Variants in UGT2A3 observed in about 807,000 individuals in gnomAD.
UGT2A3 encodes the protein UDP-glucuronosyltransferase 2A3.
Under a neutral mutation model 44.1 loss-of-function variants are expected in UGT2A3, and 55 were observed. The ratio of observed to expected loss-of-function variants is 1.25; its 90% CI spans 1.00 to 1.56. The LOEUF is 1.56. Among genes scored for constraint, UGT2A3 ranks in the 40% most tolerant of loss-of-function variants. The pLI is 0.00. For missense variants in UGT2A3, 733 were observed against 621.6 expected, an observed-to-expected ratio of 1.18 and a Z score of -1.91; for synonymous variants, 243 against 215.1, an observed-to-expected ratio of 1.13 and a Z score of -1.13.
intron 2 of UGT2A3, among the ~76,000 whole-genome samples, chr4:68,938,620 G>C (rs1026503360): frequency 6.6e-6 from 1 of 152,138 alleles, no homozygotes; most frequent in African/African-American, 2.4e-5. Context: ...AAAACTGGAA[G>C]CATTCCCTTT....
At chr4:68,944,822 A>C (rs1665311869) in intron 2 of UGT2A3, among the ~76,000 whole-genome samples, 1 of 151,804 alleles carries the variant, frequency 6.6e-6, no homozygotes, top group Non-Finnish European at 1.5e-5. Context: ...ATCATTAAAC[A>C]CTTAAACTTT....
At chr4:68,934,186 A>G (rs183962834) in intron 2 of UGT2A3, among the ~76,000 whole-genome samples, 6 of 152,086 alleles carry the variant, frequency 3.9e-5, no homozygotes, top group African/African-American at 1.4e-4. Flanking sequence ...AATCACATAA[A>G]CTATAAATAA....
rs1177079878 is a variant in UGT2A3 at position 68,951,419 on chromosome 4, A to G, written c.342T>C (p.Phe114=). The G allele has an allele frequency of 3.7e-6, 6 of 1,611,284 alleles. No individual in the cohort carries two copies. In the Admixed American group the frequency reaches 5.0e-5, roughly 14 times the overall value. ...TTTTTAAAGTTCCTCTTATTTCAAC[A>G]AAAAAATCATTTAATTTTATAACTG... is the stretch of plus-strand genomic sequence containing the variant. ...WQSVIKLNDF[F]VEIRGTLKMM... The change falls in exon 1 of 6, where the codon TTT becomes TTC. Residue 114 remains phenylalanine, a synonymous_variant. Transcript: ENST00000251566.
chr4:68,930,865 G>A, intron 4 of UGT2A3, 100 bp from the exon 5 acceptor site: 1 of 1,039,592 alleles, frequency 9.6e-7, no homozygotes, highest in South Asian at 1.7e-5. Flanking sequence ...ACTCACTGAA[G>A]CGTACAGCAC....
intron 2 of UGT2A3, among the ~76,000 whole-genome samples, chr4:68,936,758 C>T (rs919700311): frequency 2.0e-4 from 30 of 151,814 alleles, no homozygotes; most frequent in Non-Finnish European, 7.4e-5. Context: ...TTAAGAGACA[C>T]AGACTGGCAA....
At chr4:68,936,703 A>G (rs1008563342) in intron 2 of UGT2A3, among the ~76,000 whole-genome samples, 2 of 152,004 alleles carry the variant, frequency 1.3e-5, no homozygotes, top group Non-Finnish European at 1.5e-5. Context: ...TCAAATTCAC[A>G]CATAACAATA....
chr4:68,945,542 A>T, intron 1 of UGT2A3, 88 bp from the exon 2 acceptor site: 1 of 1,212,792 alleles, frequency 8.2e-7, no homozygotes, highest in Admixed American at 2.7e-5. Context: ...TTAAGAAAAA[A>T]ATAAGTTTAA....
At position 68,929,111 on chromosome 4, in the gene UGT2A3, G is replaced by T. The variant is rs1260123051; in HGVS notation, c.*702C>A. ...TTCACCTTGAATATCTTACTGACAT[G>T]TTCTCTATGTGAGAAAAAAAATAGT... On this transcript the variant is annotated 3_prime_UTR_variant, in exon 6 of 6. Transcript: ENST00000251566. 6.6e-6 allele frequency: 1 copy of T among 151,930 alleles called. No homozygotes were observed. The highest frequency in any genetic ancestry group is 6.6e-5 in the Admixed American group (1 of 15,228). 9.4% of individuals were successfully genotyped at this position (151,930 alleles called of 1,614,324 possible).
chr4:68,938,015 A>G (rs13106664), intron 2 of UGT2A3, among the ~76,000 whole-genome samples: 110,838 of 151,794 alleles, frequency 0.73, 42,080 homozygotes, highest in Non-Finnish European at 0.86. Context: ...ATCAAGAAAA[A>G]TTTGAATCTC....
chr4:68,947,159 T>C (rs976786404), intron 1 of UGT2A3, among the ~76,000 whole-genome samples: 2 of 151,726 alleles, frequency 1.3e-5, no homozygotes, highest in Admixed American at 1.3e-4. Flanking sequence ...TTACCCATAG[T>C]AGAATTTCTT....
chr4:68,943,498 A>AT, intron 2 of UGT2A3: 1 of 294,292 alleles, frequency 3.4e-6, no homozygotes, highest in African/African-American at 2.3e-5. Context: ...TCCTTATAGG[A>AT]TTTTGATTAT....
intron 1 of UGT2A3, 96 bp downstream of exon 1, chr4:68,950,950 C>A: frequency 1.2e-6 from 1 of 822,512 alleles, no homozygotes; most frequent in Non-Finnish European, 1.8e-6. Context: ...TAAAAAAACT[C>A]ATTGACCTGC....
intron 2 of UGT2A3, chr4:68,943,281 C>G (rs2109790813): frequency 4.0e-6 from 5 of 1,250,280 alleles, no homozygotes; most frequent in Non-Finnish European, 4.1e-6. Context: ...TGGGAGATTA[C>G]CTAGAGAATG....
Position 68,951,618 on chromosome 4 carries a change from A to G in UGT2A3, c.143T>C (p.Val48Ala), listed in dbSNP as rs775084127. ...CAATACTGTTACCTCATGGCCTCTC[A>G]CTATGAGCTCTTCTAGAATGACCTT... ...NVKVILEELI[V>A]RGHEVTVLTH... The change falls in exon 1 of 6, where the codon GTG becomes GCG. Residue 48 changes from valine (V) to alanine (A), a missense_variant. Transcript: ENST00000251566. 1.2e-6 allele frequency: 2 copies of G among 1,612,884 alleles called. No homozygotes were observed. The highest frequency in any genetic ancestry group is 1.7e-6 in the Non-Finnish European group (2 of 1,179,412).
Position 68,951,433 on chromosome 4 carries a change from A to G in UGT2A3, c.328T>C (p.Leu110=), listed in dbSNP as rs556985043. The G allele has an allele frequency of 3.1e-6, 5 of 1,611,728 alleles. No homozygotes were observed. In the South Asian group the frequency reaches 5.5e-5, roughly 18 times the overall value. Residue 110 remains leucine, a synonymous_variant, in exon 1 of 6, where the codon TTA becomes CTA. Transcript: ENST00000251566. The stretch of plus-strand genomic sequence containing the variant: ...CTTATTTCAACAAAAAAATCATTTA[A>G]TTTTATAACTGATTGCCAGGTTGAT... ...GLSTWQSVIK[L]NDFFVEIRGT...
chr4:68,932,437 C>T (rs2109777720), intron 3 of UGT2A3, among the ~76,000 whole-genome samples, 191 bp downstream of exon 3: 1 of 151,968 alleles, frequency 6.6e-6, no homozygotes, highest in South Asian at 2.1e-4. Flanking sequence ...AAATGACAAT[C>T]AAGAAAGTTG....
At position 68,951,637 on chromosome 4, in the gene UGT2A3, T is replaced by G; in HGVS notation, c.124A>C (p.Ile42Leu). The G allele has an allele frequency of 3.1e-6, 5 of 1,612,754 alleles. No individual in the cohort carries two copies. The South Asian group carries it at 5.5e-5, about 18-fold the overall frequency. The change falls in exon 1 of 6, where the codon ATT becomes CTT. Residue 42 changes from isoleucine to leucine, a missense_variant. Transcript: ENST00000251566. ...DMSHWLNVKV[I>L]LEELIVRGHE... ...CCTCTCACTATGAGCTCTTCTAGAATGACCTTGACATTAAGCCAATGGCTC... is the reference window on the plus strand; with the variant it reads ...CCTCTCACTATGAGCTCTTCTAGAAGGACCTTGACATTAAGCCAATGGCTC...
At position 68,930,038 on chromosome 4, in the gene UGT2A3, C is replaced by T. The variant is rs745840571; in HGVS notation, c.1359G>A (p.Lys453=). 7.9e-5 allele frequency: 127 copies of T among 1,613,236 alleles called. No individual in the cohort carries two copies. Among genetic ancestry groups the T allele is most frequent in the Non-Finnish European group, 2.5e-6 (3 of 1,179,630 alleles). ...TCCAGAAGACTGCTCGATCTAGGGG[C>T]TTTACAGGTTGATCATGGTGAATTC... ...LSRIHHDQPV[K]PLDRAVFWIE... Residue 453 remains lysine (K), a synonymous_variant, in exon 6 of 6, where the codon AAG becomes AAA. Transcript: ENST00000251566.
chr4:68,935,276 GTATATATATATATATATATATATATATA>G (rs57286694), intron 2 of UGT2A3, among the ~76,000 whole-genome samples: 2 of 60,116 alleles, frequency 3.3e-5, no homozygotes, highest in Non-Finnish European at 3.4e-5. Context: ...ATGTATGTAT[GTATATATATATATATATATATATATATA>G]TATATATATA....
Sources: allele counts gnomAD v4.1 joint callset (sites outside exome capture counted in the v4.1 genomes callset), GRCh38; gene constraint gnomAD v4.1.1; transcripts MANE v1.5; gene names NCBI Gene and HGNC (gene_info 2026-07-23, HGNC 2026-07-21).